The following ACVR1C variants were observed in gnomAD, a reference collection of about 807,000 sequenced individuals.
The protein encoded by ACVR1C is activin receptor type-1C.
Under a neutral mutation model 57.9 loss-of-function variants are expected in ACVR1C, and 23 were observed. The ratio of observed to expected loss-of-function variants is 0.40; its 90% CI spans 0.29 to 0.56. ACVR1C has a LOEUF of 0.56. ACVR1C is among the 20% of genes least tolerant of loss of function. The pLI, the probability that ACVR1C is intolerant of heterozygous loss-of-function variation, is 0.50. For missense variants in ACVR1C, 480 were observed against 607.9 expected (o/e 0.79, Z 2.21); for synonymous variants, 214 against 215.3 (o/e 0.99, Z 0.05).
At chr2:157,622,825 C>G (rs956762554) in intron 1 of ACVR1C, among the ~76,000 whole-genome samples, 1 of 151,954 alleles carries the variant, frequency 6.6e-6, no homozygotes, top group Non-Finnish European at 1.5e-5. Flanking sequence ...AGACAATCCA[C>G]AGAATGAGAG....
chr2:157,554,584 G>T (rs1368192568), intron 3 of ACVR1C, among the ~76,000 whole-genome samples: 1 of 152,116 alleles, frequency 6.6e-6, no homozygotes, highest in Non-Finnish European at 1.5e-5. Flanking sequence ...TTTAGTCTTC[G>T]TCAGTGGGAG....
chr2:157,562,119 AC>A (rs766937321), intron 2 of ACVR1C, among the ~76,000 whole-genome samples: 39 of 151,882 alleles, frequency 2.6e-4, no homozygotes, highest in Admixed American at 1.3e-4. Context: ...ACATAGTGAA[AC>A]CCTGTCTCTA....
intron 1 of ACVR1C, among the ~76,000 whole-genome samples, chr2:157,613,463 ATATTTT>A (rs71864099): frequency 0.063 from 9,637 of 152,060 alleles, 463 homozygotes; most frequent in East Asian, 0.23. Flanking sequence ...TTTTTTCCAA[ATATTTT>A]CAATCTGCCG....
chr2:157,578,857 C>T (rs1475073038), intron 2 of ACVR1C, among the ~76,000 whole-genome samples: 3 of 152,056 alleles, frequency 2.0e-5, no homozygotes, highest in Non-Finnish European at 2.9e-5. Context: ...CTGAATTCAA[C>T]TTAATTGAAT....
In ACVR1C at chr2:157,576,835, C is replaced by CTT. The variant is rs1166673398; in HGVS notation, c.304+10350_304+10351dup. Among the ~76,000 whole-genome samples, 124 of 41,726 alleles carry CTT rather than the reference C, an allele frequency of 3.0e-3. 21 individuals are homozygous for CTT. Among genetic ancestry groups the CTT allele is most frequent in the Non-Finnish European group, 3.8e-3 (86 of 22,346 alleles). 27.4% of individuals were successfully genotyped at this position (41,726 alleles called of 152,430 possible). ...AGAGCCTTTTGGGCTTTGAAATTTT[C>CTT]TTTTTTTTTTTTTTTTTTTTTTTTT... On this transcript the variant is annotated intron_variant, in intron 2 of 8. Coordinates refer to ENST00000243349, the MANE Select transcript of ACVR1C (RefSeq NM_145259.3).
In ACVR1C at chr2:157,555,678, T is replaced by A. The variant is rs1167611864; in HGVS notation, c.544+415A>T. Among the ~76,000 whole-genome samples, 4 of 152,304 alleles carry A rather than the reference T, an allele frequency of 2.6e-5. No homozygotes were observed. In the East Asian group the frequency reaches 7.7e-4, roughly 29 times the overall value. On this transcript the variant is annotated intron_variant, in intron 3 of 8. Coordinates refer to ENST00000243349, the MANE Select transcript of ACVR1C (RefSeq NM_145259.3). The stretch of plus-strand genomic sequence containing the variant: ...AAAGAGCTCAAAGAACACTACTTTG[T>A]ATAACCAACATCTTTCCCTCAGAAC...
In ACVR1C at chr2:157,621,749, T is replaced by A. The variant is rs140383912; in HGVS notation, c.73+6823A>T. ...TGAGACCTGGACTAATGCGAGGTAT[T>A]GCAAATAGAGGTCCCTTGCTCCACA... On this transcript the variant is annotated intron_variant, in intron 1 of 8. Coordinates refer to ENST00000243349, the MANE Select transcript of ACVR1C (RefSeq NM_145259.3). 4.2e-3 allele frequency among the ~76,000 whole-genome samples: 635 copies of A among 152,298 alleles called. 5 individuals are homozygous for A. Among genetic ancestry groups the A allele is most frequent in the African/African-American group, 0.014 (602 of 41,558 alleles).
At position 157,534,055 on chromosome 2, in the gene ACVR1C, A is replaced by C; in HGVS notation, c.1357-12T>G. The C allele has an allele frequency of 6.9e-7, 1 of 1,458,758 alleles. No homozygotes were observed. Among genetic ancestry groups the C allele is most frequent in the Non-Finnish European group, 9.1e-7 (1 of 1,099,926 alleles). The allele number at this position is 1,458,758 out of a possible 1,614,324, so 90.4% of individuals were successfully genotyped here. On this transcript the variant is annotated splice_polypyrimidine_tract_variant and intron_variant, in intron 8 of 8. Transcript: ENST00000243349. ...ATGACTCGGAGTGCCTTTAAGAGAG[A>C]AAAAAAAAATCAAAGACTTTAGCTA...
At chr2:157,611,848 G>A (rs1054475514) in intron 1 of ACVR1C, among the ~76,000 whole-genome samples, 1 of 152,190 alleles carries the variant, frequency 6.6e-6, no homozygotes, top group African/African-American at 2.4e-5. Context: ...GTGCCAGGGT[G>A]GGCAGGTCTG....
intron 1 of ACVR1C, among the ~76,000 whole-genome samples, chr2:157,596,560 T>C (rs1441758227): frequency 6.6e-6 from 1 of 152,226 alleles, no homozygotes; most frequent in African/African-American, 2.4e-5. Flanking sequence ...ATCAATATTT[T>C]ACTCTGCAAT....
chr2:157,548,624 A>G (rs551519550), intron 4 of ACVR1C, among the ~76,000 whole-genome samples: 59 of 151,680 alleles, frequency 3.9e-4, no homozygotes, highest in Non-Finnish European at 6.3e-4. Context: ...AAATAACGCC[A>G]CATATCTACA....
chr2:157,566,790 G>T (rs1421236420), intron 2 of ACVR1C, among the ~76,000 whole-genome samples: 2 of 152,012 alleles, frequency 1.3e-5, no homozygotes, highest in East Asian at 1.9e-4. Context: ...GGGGAGGGGC[G>T]CCCGCCATTG....
chr2:157,619,236 T>TAA (rs766821271), intron 1 of ACVR1C, among the ~76,000 whole-genome samples: 6 of 141,226 alleles, frequency 4.2e-5, no homozygotes, highest in African/African-American at 1.3e-4. Flanking sequence ...TAGAATTCTG[T>TAA]AAAAAAAAAA....
intron 1 of ACVR1C, among the ~76,000 whole-genome samples, chr2:157,611,961 G>C (rs564743425): frequency 1.3e-5 from 2 of 152,202 alleles, no homozygotes; most frequent in Non-Finnish European, 2.9e-5. Context: ...ACTCATTCTA[G>C]AGCAGAGCAT....
At chr2:157,624,317 C>G (rs1477534339) in intron 1 of ACVR1C, among the ~76,000 whole-genome samples, 1 of 152,172 alleles carries the variant, frequency 6.6e-6, no homozygotes. Flanking sequence ...ATTCCTGCCT[C>G]TATCCAATCT....
rs115699645 is a variant in ACVR1C, at chr2:157,628,513, C to T, written c.73+59G>A. ...CCTGTCCCCCACCCCCGTGCTCACC[C>T]GCAGACCTCCTCCCAGCTCCCACCC... On this transcript the variant is annotated intron_variant, in intron 1 of 8. Transcript: ENST00000243349. 1,083 of 1,563,714 alleles carry T rather than the reference C, an allele frequency of 6.9e-4. 6 individuals are homozygous for T. The African/African-American group carries it at 0.013, about 19-fold the overall frequency.
intron 2 of ACVR1C, among the ~76,000 whole-genome samples, chr2:157,583,022 C>T (rs1688826905): frequency 6.6e-6 from 1 of 152,090 alleles, no homozygotes; most frequent in African/African-American, 2.4e-5. Context: ...GCTGGGACTA[C>T]AGGCGCGTAC....
rs60269781 is a variant in ACVR1C at position 157,555,101 on chromosome 2, C to CTTTTTT, written c.544+986_544+991dup. On this transcript the variant is annotated intron_variant, in intron 3 of 8. Coordinates refer to ENST00000243349, the MANE Select transcript of ACVR1C (RefSeq NM_145259.3). Reference sequence around the variant, plus strand: ...ATAATACAGCCTGGTACTTTGAACGCTTTTTTTTTTTTTTTTTTTTTTTTT... The same window carrying CTTTTTT: ...ATAATACAGCCTGGTACTTTGAACGCTTTTTTTTTTTTTTTTTTTTTTTTTTTTTTT... Among the ~76,000 whole-genome samples, 19 of 83,944 alleles carry CTTTTTT rather than the reference C, an allele frequency of 2.3e-4. 4 individuals carry two copies. Among genetic ancestry groups the CTTTTTT allele is most frequent in the African/African-American group, 8.9e-4 (15 of 16,852 alleles). 55.1% of individuals were successfully genotyped at this position (83,944 alleles called of 152,430 possible). A position where few individuals can be genotyped will look rare whatever the true frequency, so the allele number is the denominator to read the frequency against.
At chr2:157,559,293 T>C (rs779272362) in intron 2 of ACVR1C, among the ~76,000 whole-genome samples, 1 of 152,134 alleles carries the variant, frequency 6.6e-6, no homozygotes, top group African/African-American at 2.4e-5. Flanking sequence ...ATTACTCAGC[T>C]AGAAAAAGTC....
Sources: allele counts gnomAD v4.1 joint callset (sites outside exome capture counted in the v4.1 genomes callset), GRCh38; gene constraint gnomAD v4.1.1; transcripts MANE v1.5; gene names NCBI Gene and HGNC (gene_info 2026-07-23, HGNC 2026-07-21).